Variants in SCGB2B2 observed in about 807,000 individuals in gnomAD.
SCGB2B2 encodes the protein secretoglobin-like protein.
SCGB2B2 carries 11 observed loss-of-function variants against 7.6 expected under a neutral mutation model. The ratio of observed to expected loss-of-function variants is 1.45; its 90% CI spans 0.91 to 2.40. The LOEUF (loss-of-function observed/expected upper bound fraction) is 2.40, where lower values mean the gene tolerates loss of function less well. Among genes scored for constraint, SCGB2B2 ranks in the 30% most tolerant of loss-of-function variants. The probability of loss-of-function intolerance (pLI) is 0.00; values close to 1 mark genes in which losing one functional copy is unlikely to be tolerated. For synonymous variants in SCGB2B2, 50 were observed against 48.6 expected, an observed-to-expected ratio of 1.03 and a Z score of -0.12; for missense variants, 104 against 115.4, an observed-to-expected ratio of 0.90 and a Z score of 0.45.
At position 34,640,843 on chromosome 19, in the gene SCGB2B2, T is replaced by C. The variant is rs542513427; in HGVS notation, c.-2032+34787A>G. ...ACATAAACTGATACCTCTTTATTAT[T>C]ATTTTTTTCCAGATGTGAAATTATA... On this transcript the variant is annotated intron_variant, in intron 1 of 3. Coordinates refer to ENST00000601241, the MANE Select transcript of SCGB2B2 (RefSeq NM_001025591.4). 2.0e-5 allele frequency among the ~76,000 whole-genome samples: 3 copies of C among 152,252 alleles called. No individual in the cohort carries two copies. In the East Asian group the frequency reaches 5.8e-4, roughly 29 times the overall value.
chr19:34,618,538 C>T (rs1453997321), intron 1 of SCGB2B2, among the ~76,000 whole-genome samples: 1 of 152,208 alleles, frequency 6.6e-6, no homozygotes, highest in Non-Finnish European at 1.5e-5. Flanking sequence ...AAATTCTTCA[C>T]AACTTGCTTG....
chr19:34,610,768 G>GTTT (rs548680772), intron 1 of SCGB2B2, among the ~76,000 whole-genome samples: 42,062 of 139,312 alleles, frequency 0.3, 7,080 homozygotes, highest in Middle Eastern at 0.46. Context: ...TTGGCCTATA[G>GTTT]TTTTTTTTTT....
intron 1 of SCGB2B2, among the ~76,000 whole-genome samples, chr19:34,597,915 G>T (rs766614845): frequency 6.6e-6 from 1 of 152,134 alleles, no homozygotes; most frequent in Non-Finnish European, 1.5e-5. Context: ...GGTGGGTCAG[G>T]GCGTTTTCAA....
At chr19:34,637,916 T>C (rs2066731254) in intron 1 of SCGB2B2, 1 of 152,150 alleles carries the variant, frequency 6.6e-6, no homozygotes, top group African/African-American at 2.4e-5. Context: ...TCTGGTTGGG[T>C]AGAGGTAGGT....
intron 1 of SCGB2B2, among the ~76,000 whole-genome samples, chr19:34,630,057 C>T (rs1011579885): frequency 3.3e-5 from 5 of 151,940 alleles, no homozygotes; most frequent in Non-Finnish European, 7.4e-5. Flanking sequence ...ACTGGCTAGC[C>T]ATATGTAGAA....
chr19:34,594,098 G>T, intron 3 of SCGB2B2, 77 bp downstream of exon 3: 1 of 1,187,404 alleles, frequency 8.4e-7, no homozygotes, highest in Non-Finnish European at 1.2e-6. Context: ...AAAGCAGGAT[G>T]GAAGGCAAGT....
chr19:34,639,681 G>A (rs539633649), intron 1 of SCGB2B2, among the ~76,000 whole-genome samples: 1 of 152,106 alleles, frequency 6.6e-6, no homozygotes, highest in Non-Finnish European at 1.5e-5. Context: ...AACACCACCA[G>A]GAGGCGCTCT....
At chr19:34,635,559 C>A in intron 1 of SCGB2B2, 1 of 245,990 alleles carries the variant, frequency 4.1e-6, no homozygotes. Flanking sequence ...TACAGTAAGG[C>A]TAGAGTTATG....
intron 1 of SCGB2B2, among the ~76,000 whole-genome samples, chr19:34,667,643 C>A (rs1026782284): frequency 6.6e-6 from 1 of 152,216 alleles, no homozygotes; most frequent in African/African-American, 2.4e-5. Flanking sequence ...TTGGAGTGTA[C>A]TTTCACTTTC....
intron 1 of SCGB2B2, among the ~76,000 whole-genome samples, chr19:34,651,620 T>C (rs1341107873): frequency 6.6e-6 from 1 of 151,086 alleles, no homozygotes; most frequent in Admixed American, 6.6e-5. Flanking sequence ...ACTGAGGAAA[T>C]CAATTGAAGA....
chr19:34,598,189 T>C (rs990609662), intron 1 of SCGB2B2, among the ~76,000 whole-genome samples: 1 of 152,078 alleles, frequency 6.6e-6, no homozygotes, highest in Non-Finnish European at 1.5e-5. Flanking sequence ...GACAGGGAGT[T>C]TGCAGGAACA....
intron 1 of SCGB2B2, among the ~76,000 whole-genome samples, chr19:34,620,358 A>ATGAGT (rs2066205479): frequency 6.6e-6 from 1 of 152,058 alleles, no homozygotes; most frequent in Admixed American, 6.6e-5. Context: ...ATAAAAAAGG[A>ATGAGT]TGAGTTCATG....
chr19:34,594,408 C>A lies in SCGB2B2; in HGVS notation c.62-49G>T, dbSNP rs201214108. ...GAAAACAGAGGAGGTCAGAATTCAG[C>A]GAAACCTCCCATGGCCAATGAGACC... On this transcript the variant is annotated intron_variant, in intron 2 of 3. Coordinates refer to ENST00000601241, the MANE Select transcript of SCGB2B2 (RefSeq NM_001025591.4). The A allele has an allele frequency of 1.2e-5, 19 of 1,601,762 alleles. No homozygotes were observed. The South Asian group carries it at 1.5e-4, about 13-fold the overall frequency.
intron 1 of SCGB2B2, among the ~76,000 whole-genome samples, chr19:34,653,599 A>G (rs1013108568): frequency 2.0e-5 from 3 of 151,366 alleles, no homozygotes. Flanking sequence ...AGTTCAACAC[A>G]CATTAACAGA....
intron 1 of SCGB2B2, among the ~76,000 whole-genome samples, chr19:34,614,032 T>G (rs2066004180): frequency 6.6e-6 from 1 of 152,208 alleles, no homozygotes; most frequent in Non-Finnish European, 1.5e-5. Flanking sequence ...TTGACGCTTT[T>G]GCTGTTTTTA....
intron 1 of SCGB2B2, chr19:34,645,525 GACACACACAGACACAGACACACACAC>G (rs1448213050): frequency 1.4e-4 from 19 of 140,084 alleles, no homozygotes; most frequent in African/African-American, 3.3e-4. Flanking sequence ...GACACACACA[GACACACACAGACACAGACACACACAC>G]ACACACACAC....
At chr19:34,609,504 AGATG>A (rs1191262472) in intron 1 of SCGB2B2, among the ~76,000 whole-genome samples, 9 of 152,128 alleles carry the variant, frequency 5.9e-5, no homozygotes, top group Admixed American at 5.9e-4. Flanking sequence ...ATATGATTAG[AGATG>A]GATGTCTGGT....
At chr19:34,633,382 T>G (rs2066588521) in intron 1 of SCGB2B2, among the ~76,000 whole-genome samples, 1 of 152,218 alleles carries the variant, frequency 6.6e-6, no homozygotes, top group South Asian at 2.1e-4. Context: ...CCAAATGTCC[T>G]TTAACAAATG....
At position 34,645,594 on chromosome 19, in the gene SCGB2B2, C is replaced by T. The variant is rs535515352; in HGVS notation, c.-2032+30036G>A. On this transcript the variant is annotated intron_variant, in intron 1 of 3. Transcript: ENST00000601241. ...CACACGAAGGTGTGTGTCAGTTGTC[C>T]AGATACACATAAAGCTCATCCATGG... The T allele has an allele frequency of 9.7e-4, 263 of 270,820 alleles. 2 individuals carry two copies. Among genetic ancestry groups the T allele is most frequent in the African/African-American group, 5.8e-3 (250 of 43,452 alleles). 16.8% of individuals were successfully genotyped at this position (270,820 alleles called of 1,614,324 possible). A position where few individuals can be genotyped will look rare whatever the true frequency, so the allele number is the denominator to read the frequency against.
Sources: gnomAD v4.1 joint callset for allele counts (sites outside exome capture counted in the v4.1 genomes callset) on GRCh38, gnomAD v4.1.1 for gene constraint, MANE v1.5 for transcripts, NCBI Gene and HGNC (gene_info 2026-07-23, HGNC 2026-07-21) for gene names.